The following RBMS1 variants were observed in gnomAD, a reference collection of about 807,000 sequenced individuals.
RBMS1 encodes the protein RNA binding motif single stranded interacting protein 1.
RBMS1 carries 17 observed loss-of-function variants against 62.3 expected under a neutral mutation model. The ratio of observed to expected loss-of-function variants is 0.27; its 90% CI spans 0.19 to 0.41. The LOEUF (loss-of-function observed/expected upper bound fraction) is 0.41, where lower values mean the gene tolerates loss of function less well. Among genes scored for constraint, RBMS1 ranks in the 10% least tolerant of loss-of-function variants. The pLI, the probability that RBMS1 is intolerant of heterozygous loss-of-function variation, is 1.00. For synonymous variants in RBMS1, 172 were observed against 170.0 expected (o/e 1.01, Z -0.09); for missense variants, 334 against 504.5 (o/e 0.66, Z 3.24).
chr2:160,411,401 G>C (rs767698462), intron 1 of RBMS1, among the ~76,000 whole-genome samples: 9 of 152,234 alleles, frequency 5.9e-5, no homozygotes, highest in South Asian at 2.1e-4. Context: ...AGCGGGCAGA[G>C]AGTAGAGCAT....
chr2:160,308,567 G>A (rs748182334), intron 4 of RBMS1, among the ~76,000 whole-genome samples: 13 of 152,102 alleles, frequency 8.5e-5, no homozygotes, highest in Non-Finnish European at 1.9e-4. Context: ...AATACCTCTT[G>A]TAACTATAAT....
chr2:160,377,264 A>G (rs1263252288), intron 1 of RBMS1, among the ~76,000 whole-genome samples: 1 of 152,208 alleles, frequency 6.6e-6, no homozygotes, highest in Non-Finnish European at 1.5e-5. Flanking sequence ...TTCCTAGTAT[A>G]TTTCGTTAAA....
intron 1 of RBMS1, among the ~76,000 whole-genome samples, chr2:160,436,348 G>C (rs1683109685): frequency 6.6e-6 from 1 of 152,112 alleles, no homozygotes; most frequent in Non-Finnish European, 1.5e-5. Context: ...CCCGTGTAGA[G>C]AGAGAAATGC....
intron 1 of RBMS1, among the ~76,000 whole-genome samples, chr2:160,429,352 G>C (rs1005754677): frequency 6.6e-6 from 1 of 152,040 alleles, no homozygotes; most frequent in Non-Finnish European, 1.5e-5. Flanking sequence ...GGTAAGAACA[G>C]GTCATTTTTG....
At chr2:160,289,412 T>C (rs1385121903) in intron 6 of RBMS1, among the ~76,000 whole-genome samples, 1 of 152,222 alleles carries the variant, frequency 6.6e-6, no homozygotes. Flanking sequence ...AAATGACACA[T>C]TTCTGAGATA....
intron 1 of RBMS1, among the ~76,000 whole-genome samples, chr2:160,394,061 ATGT>A (rs1366980752): frequency 6.6e-6 from 1 of 152,228 alleles, no homozygotes; most frequent in Non-Finnish European, 1.5e-5. Flanking sequence ...ATAAAATTTC[ATGT>A]TGTAGACACC....
chr2:160,317,254 ATGT>A (rs1318055610), intron 3 of RBMS1, among the ~76,000 whole-genome samples: 1 of 152,194 alleles, frequency 6.6e-6, no homozygotes, highest in Non-Finnish European at 1.5e-5. Flanking sequence ...GGGTTCATTT[ATGT>A]TCTCTGCCTT....
chr2:160,303,294 G>A, intron 5 of RBMS1, 36 bp downstream of exon 5: 6 of 1,538,306 alleles, frequency 3.9e-6, no homozygotes, highest in Non-Finnish European at 4.4e-6. Flanking sequence ...CAAAGCTATT[G>A]TTGTTGACAT....
chr2:160,445,253 C>T (rs1020151939), intron 1 of RBMS1, among the ~76,000 whole-genome samples: 2 of 152,114 alleles, frequency 1.3e-5, no homozygotes, highest in African/African-American at 4.8e-5. Flanking sequence ...CAGGTTAAGA[C>T]ATGTTTACTA....
At chr2:160,360,084 C>CA (rs1156436348) in intron 2 of RBMS1, among the ~76,000 whole-genome samples, 1 of 152,004 alleles carries the variant, frequency 6.6e-6, no homozygotes, top group Non-Finnish European at 1.5e-5. Context: ...GACTCTGTCT[C>CA]AAAAAATAAT....
At chr2:160,410,265 TAGAGAAGGATATCTAAA>T (rs1230770644) in intron 1 of RBMS1, among the ~76,000 whole-genome samples, 2 of 142,522 alleles carry the variant, frequency 1.4e-5, no homozygotes, top group African/African-American at 5.2e-5. Flanking sequence ...ACTCTAAGAC[TAGAGAAGGATATCTAAA>T]AGCCAACAAA....
intron 1 of RBMS1, among the ~76,000 whole-genome samples, chr2:160,372,189 C>G (rs2105168873): frequency 6.6e-6 from 1 of 152,208 alleles, no homozygotes; most frequent in African/African-American, 2.4e-5. Context: ...TCTTCCCACC[C>G]CCACCTTACT....
At chr2:160,329,651 T>A (rs1231117771) in intron 2 of RBMS1, among the ~76,000 whole-genome samples, 1 of 151,984 alleles carries the variant, frequency 6.6e-6, no homozygotes, top group African/African-American at 2.4e-5. Flanking sequence ...ACAATTACCA[T>A]ATCCCAAATG....
intron 6 of RBMS1, among the ~76,000 whole-genome samples, chr2:160,290,016 G>A (rs1574222944): frequency 6.9e-6 from 1 of 144,622 alleles, no homozygotes; most frequent in East Asian, 2.1e-4. Context: ...TTTTGGGTAG[G>A]AAAAACAAAC....
At chr2:160,349,112 G>A (rs1692343264) in intron 2 of RBMS1, among the ~76,000 whole-genome samples, 1 of 152,072 alleles carries the variant, frequency 6.6e-6, no homozygotes, top group Non-Finnish European at 1.5e-5. Flanking sequence ...ACTAGTGGTT[G>A]TATTGTATAG....
intron 1 of RBMS1, among the ~76,000 whole-genome samples, chr2:160,410,805 G>A (rs556110577): frequency 2.6e-4 from 39 of 152,212 alleles, no homozygotes; most frequent in Admixed American, 8.5e-4. Context: ...GTGCAGTGGC[G>A]CGATCTCAGC....
In RBMS1 at chr2:160,281,570, C is replaced by T. The variant is rs567681933; in HGVS notation, c.901-206G>A. 295 of 445,394 alleles carry T rather than the reference C, an allele frequency of 6.6e-4. 1 individual carries two copies. The highest frequency in any genetic ancestry group is 2.1e-3 in the Admixed American group (52 of 25,074). The allele number at this position is 445,394 out of a possible 1,614,324, so 27.6% of individuals were successfully genotyped here. On this transcript the variant is annotated intron_variant, in intron 9 of 13. Transcript: ENST00000348849. Reference sequence around the variant, plus strand: ...TGAAATGATTATTTAGAAACAATTTCTATTTGCCCACTCAAGAAGTAATTG... The same window carrying T: ...TGAAATGATTATTTAGAAACAATTTTTATTTGCCCACTCAAGAAGTAATTG...
chr2:160,426,974 G>A (rs778664695), intron 1 of RBMS1, among the ~76,000 whole-genome samples: 5 of 152,124 alleles, frequency 3.3e-5, no homozygotes, highest in African/African-American at 9.7e-5. Context: ...GGCCGGAAAC[G>A]GTTTTGATTC....
intron 1 of RBMS1, among the ~76,000 whole-genome samples, chr2:160,450,486 G>A (rs1683918841): frequency 7.1e-6 from 1 of 140,712 alleles, no homozygotes; most frequent in Non-Finnish European, 1.5e-5. Context: ...GCTGCAGTGA[G>A]CCAAGATTGC....
Sources: gnomAD v4.1 joint callset for allele counts (sites outside exome capture counted in the v4.1 genomes callset) on GRCh38, gnomAD v4.1.1 for gene constraint, MANE v1.5 for transcripts, NCBI Gene and HGNC (gene_info 2026-07-23, HGNC 2026-07-21) for gene names.